The following IFT81 variants were observed in gnomAD, a reference collection of about 807,000 sequenced individuals.
IFT81 encodes intraflagellar transport protein 81 homolog.
Under a neutral mutation model 102.6 loss-of-function variants are expected in IFT81, and 72 were observed. That is an observed-to-expected ratio of 0.70 (90% CI 0.58 to 0.85). The LOEUF (loss-of-function observed/expected upper bound fraction) is 0.85. Among genes scored for constraint, IFT81 ranks in the 40% least tolerant of loss-of-function variants. The pLI is 0.00. For synonymous variants in IFT81, 237 were observed against 242.7 expected, an observed-to-expected ratio of 0.98 and a Z score of 0.22; for missense variants, 723 against 787.3, an observed-to-expected ratio of 0.92 and a Z score of 0.98.
chr12:110,157,345 C>A (rs1327623284), intron 10 of IFT81, among the ~76,000 whole-genome samples: 1 of 151,352 alleles, frequency 6.6e-6, no homozygotes, highest in Non-Finnish European at 1.5e-5. Flanking sequence ...TGAGACCCTG[C>A]CTCAAAAAAA....
chr12:110,182,545 A>G (rs953849252), intron 12 of IFT81, among the ~76,000 whole-genome samples: 3 of 152,196 alleles, frequency 2.0e-5, no homozygotes, highest in Admixed American at 2.0e-4. Flanking sequence ...CCCCATTTAC[A>G]GTTAAAACTG....
At chr12:110,171,993 A>G (rs1039929313) in intron 11 of IFT81, 3 of 152,252 alleles carry the variant, frequency 2.0e-5, no homozygotes, top group African/African-American at 7.2e-5. Context: ...ATGTGATTTA[A>G]TTAAGAAATG....
At chr12:110,182,728 T>C (rs1215759310) in intron 12 of IFT81, among the ~76,000 whole-genome samples, 1 of 152,156 alleles carries the variant, frequency 6.6e-6, no homozygotes, top group Non-Finnish European at 1.5e-5. Context: ...GAACATTAAG[T>C]GTCAAGGGCC....
chr12:110,181,071 G>T (rs965616178), intron 12 of IFT81, among the ~76,000 whole-genome samples: 20 of 152,252 alleles, frequency 1.3e-4, no homozygotes, highest in African/African-American at 4.6e-4. Flanking sequence ...GTGGATGCCA[G>T]TTCCTCAGGG....
intron 17 of IFT81, among the ~76,000 whole-genome samples, chr12:110,207,066 G>C (rs986620591): frequency 6.7e-6 from 1 of 149,906 alleles, no homozygotes; most frequent in East Asian, 2.0e-4. Context: ...GTCTTGCTCT[G>C]TCACCCAGGC....
At chr12:110,196,767 G>T (rs372115654) in intron 14 of IFT81, among the ~76,000 whole-genome samples, 2 of 152,138 alleles carry the variant, frequency 1.3e-5, no homozygotes, top group Admixed American at 6.5e-5. Flanking sequence ...ATTATGGTAC[G>T]TAATGGTTTT....
Position 110,143,394 on chromosome 12 carries a change from G to C in IFT81, c.794G>C (p.Arg265Thr). ...TTTATTTTTAAAGGTTTAATGAAGA[G>C]GCTAGAGGAGGAGATAAAATTTAAT... ...ADAKPESLMK[R>T]LEEEIKFNLY... The change falls in exon 9 of 19, where the codon AGG (arginine) becomes ACG (threonine). Residue 265 changes from arginine (R) to threonine (T), a missense_variant. By Grantham distance (71) the Arg-to-Thr change is moderately conservative. Coordinates refer to ENST00000242591, the MANE Select transcript of IFT81 (RefSeq NM_014055.4). 1.5e-6 allele frequency: 2 copies of C among 1,366,538 alleles called. No homozygotes were observed. The highest frequency in any genetic ancestry group is 2.0e-6 in the Non-Finnish European group (2 of 1,018,062). The allele number at this position is 1,366,538 out of a possible 1,614,324, so 84.7% of individuals were successfully genotyped here.
At position 110,134,991 on chromosome 12, in the gene IFT81, G is replaced by C. The variant is rs933020183; in HGVS notation, c.563G>C (p.Arg188Thr). The C allele has an allele frequency of 6.2e-7, 1 of 1,610,610 alleles. No homozygotes were observed. Among genetic ancestry groups the C allele is most frequent in the African/African-American group, 1.3e-5 (1 of 74,706 alleles). The change falls in exon 6 of 19, where the codon AGA (arginine) becomes ACA (threonine). Residue 188 changes from arginine (R) to threonine (T), a missense_variant. Coordinates refer to ENST00000242591, the MANE Select transcript of IFT81 (RefSeq NM_014055.4). ...GAAGAAAAGGATCAGCTCATTAAGA[G>C]AGTTGAACATTTGAAGAAAAGGGTA... Reference protein sequence around the residue: ...MEEEKDQLIKRVEHLKKRVET... With the variant: ...MEEEKDQLIKTVEHLKKRVET...
chr12:110,202,325 T>C (rs1052755357), intron 14 of IFT81, among the ~76,000 whole-genome samples: 7 of 152,226 alleles, frequency 4.6e-5, no homozygotes, highest in African/African-American at 1.7e-4. Context: ...CAGGAGATTT[T>C]CAAATTATCC....
At chr12:110,130,935 G>A (rs1894126780) in intron 4 of IFT81, among the ~76,000 whole-genome samples, 1 of 152,000 alleles carries the variant, frequency 6.6e-6, no homozygotes, top group African/African-American at 2.4e-5. Context: ...TTAATAATTT[G>A]TAGATTTAAG....
At chr12:110,168,637 A>T (rs1052631083) in intron 11 of IFT81, 3 of 162,268 alleles carry the variant, frequency 1.8e-5, no homozygotes, top group South Asian at 4.0e-4. Flanking sequence ...GGGTGACTAA[A>T]ATGGACAAAA....
intron 10 of IFT81, among the ~76,000 whole-genome samples, chr12:110,160,768 C>T (rs573369571): frequency 2.0e-5 from 3 of 152,194 alleles, no homozygotes; most frequent in East Asian, 1.9e-4. Context: ...TTATGTCTTC[C>T]GACTGATTTT....
chr12:110,187,215 T>G (rs528917917), intron 12 of IFT81, among the ~76,000 whole-genome samples: 82 of 152,308 alleles, frequency 5.4e-4, no homozygotes, highest in African/African-American at 1.9e-3. Context: ...TCAGCTATTT[T>G]AAAGTTCATG....
intron 13 of IFT81, among the ~76,000 whole-genome samples, chr12:110,192,039 C>T (rs372716820): frequency 2.0e-4 from 31 of 152,062 alleles, no homozygotes; most frequent in African/African-American, 6.3e-4. Context: ...GGCGTGGTGT[C>T]GCACTCCTGT....
Position 110,218,043 on chromosome 12 carries a change from G to C in IFT81, c.1849-1G>C. The C allele has an allele frequency of 6.3e-7, 1 of 1,585,200 alleles. No individual in the cohort carries two copies. The highest frequency in any genetic ancestry group is 8.6e-7 in the Non-Finnish European group (1 of 1,167,202). On this transcript the variant is annotated splice_acceptor_variant, in intron 18 of 18. Transcript: ENST00000242591. LOFTEE classifies it high-confidence loss of function. ...TTATTCTTGTTTTTTTTTAATGATA[G>C]AAACTTCGGGAAAAACAAAAAGTTA...
intron 9 of IFT81, among the ~76,000 whole-genome samples, chr12:110,144,869 T>G (rs1281694228): frequency 9.8e-5 from 14 of 142,388 alleles, no homozygotes; most frequent in Non-Finnish European, 3.1e-5. Flanking sequence ...GTGCCTTTTT[T>G]TTTTTTTTTT....
At chr12:110,181,559 TGC>T (rs1897314512) in intron 12 of IFT81, among the ~76,000 whole-genome samples, 1 of 152,210 alleles carries the variant, frequency 6.6e-6, no homozygotes, top group African/African-American at 2.4e-5. Flanking sequence ...TTGTTTCATG[TGC>T]AGTGAAGAGA....
chr12:110,195,314 C>T (rs908735122), intron 14 of IFT81, among the ~76,000 whole-genome samples: 1 of 151,976 alleles, frequency 6.6e-6, no homozygotes, highest in Non-Finnish European at 1.5e-5. Flanking sequence ...TCTATTAATC[C>T]CCACTGTGAG....
Position 110,146,982 on chromosome 12 carries a change from G to A in IFT81, c.975G>A (p.Gln325=). The A allele has an allele frequency of 6.2e-7, 1 of 1,609,714 alleles. No individual in the cohort carries two copies. The highest frequency in any genetic ancestry group is 8.5e-7 in the Non-Finnish European group (1 of 1,177,990). Residue 325 remains glutamine, a synonymous_variant, in exon 10 of 19, where the codon CAG becomes CAA. Coordinates refer to ENST00000242591, the MANE Select transcript of IFT81 (RefSeq NM_014055.4). ...KINEINTEIN[Q]LIEKKMMRNE... is the part of the protein sequence containing the mutation. ...ATGAAATAAACACAGAAATTAACCA[G>A]TTGATTGAAAAGAAAATGATGAGAA... is the stretch of plus-strand genomic sequence containing the variant.
Sources: allele counts gnomAD v4.1 joint callset (sites outside exome capture counted in the v4.1 genomes callset), GRCh38; gene constraint gnomAD v4.1.1; transcripts MANE v1.5; gene names NCBI Gene and HGNC (gene_info 2026-07-23, HGNC 2026-07-21).